The following FHIT variants were observed in gnomAD, a reference collection of about 807,000 sequenced individuals.
The protein encoded by FHIT is fragile histidine triad diadenosine triphosphatase.
Under a neutral mutation model 17.9 loss-of-function variants are expected in FHIT, and 19 were observed. The observed-to-expected ratio is 1.06, with a 90% CI of 0.74 to 1.56. The LOEUF is 1.56. Ranked by LOEUF, FHIT falls within the 40% of genes most tolerant of loss-of-function variation. FHIT has a pLI of 0.00. For synonymous variants in FHIT, 81 were observed against 69.7 expected, an observed-to-expected ratio of 1.16 and a Z score of -0.81; for missense variants, 248 against 189.2, an observed-to-expected ratio of 1.31 and a Z score of -1.82.
chr3:60,534,980 A>G (rs767638224), intron 5 of FHIT, among the ~76,000 whole-genome samples: 9 of 152,244 alleles, frequency 5.9e-5, no homozygotes, highest in Non-Finnish European at 1.3e-4. Flanking sequence ...TCAAGATATG[A>G]GTAAAAAAAC....
intron 2 of FHIT, among the ~76,000 whole-genome samples, chr3:61,090,802 C>A (rs944195587): frequency 1.3e-5 from 2 of 152,052 alleles, no homozygotes; most frequent in Non-Finnish European, 2.9e-5. Context: ...TTTTTTGTCA[C>A]CCTTGTTAAA....
intron 5 of FHIT, among the ~76,000 whole-genome samples, chr3:60,439,146 G>C (rs1459437973): frequency 6.6e-6 from 1 of 152,170 alleles, no homozygotes; most frequent in South Asian, 2.1e-4. Flanking sequence ...AGGCATCCAA[G>C]TTTTTACTCC....
intron 8 of FHIT, among the ~76,000 whole-genome samples, chr3:59,768,768 C>T (rs921031262): frequency 2.6e-5 from 4 of 152,196 alleles, no homozygotes; most frequent in East Asian, 1.9e-4. Context: ...TGTACCCATC[C>T]TCAGTCCTCA....
intron 5 of FHIT, among the ~76,000 whole-genome samples, chr3:60,120,804 C>A (rs528783151): frequency 6.6e-6 from 1 of 152,024 alleles, no homozygotes; most frequent in Non-Finnish European, 1.5e-5. Context: ...TTAAATGTCT[C>A]AGGTTATTAA....
At chr3:60,859,639 C>T (rs1489569569) in intron 3 of FHIT, among the ~76,000 whole-genome samples, 1 of 148,176 alleles carries the variant, frequency 6.7e-6, no homozygotes, top group Non-Finnish European at 1.5e-5. Flanking sequence ...TTTAGAGCTA[C>T]AGGATGGAAA....
At chr3:59,929,591 T>C (rs959351702) in intron 7 of FHIT, among the ~76,000 whole-genome samples, 4 of 151,944 alleles carry the variant, frequency 2.6e-5, no homozygotes, top group Non-Finnish European at 4.4e-5. Context: ...GCCAGGCTGG[T>C]CTCAAACTCC....
chr3:60,205,948 A>C (rs1703151809), intron 5 of FHIT, among the ~76,000 whole-genome samples: 1 of 151,462 alleles, frequency 6.6e-6, no homozygotes, highest in South Asian at 2.1e-4. Flanking sequence ...CTCTACTAAA[A>C]ATACAAAAAT....
At chr3:61,010,817 G>A (rs2031745885) in intron 3 of FHIT, among the ~76,000 whole-genome samples, 1 of 152,180 alleles carries the variant, frequency 6.6e-6, no homozygotes, top group African/African-American at 2.4e-5. Flanking sequence ...ATTGTGGAAG[G>A]AGAAGTAGAT....
At chr3:61,035,271 T>C (rs1014060814) in intron 3 of FHIT, among the ~76,000 whole-genome samples, 2 of 152,208 alleles carry the variant, frequency 1.3e-5, no homozygotes, top group African/African-American at 2.4e-5. Context: ...CACTTTAAAA[T>C]GGATTTTTTG....
At chr3:60,839,327 C>T (rs917033626) in intron 3 of FHIT, among the ~76,000 whole-genome samples, 10 of 152,106 alleles carry the variant, frequency 6.6e-5, no homozygotes, top group Admixed American at 3.3e-4. Flanking sequence ...AAGTAAAAGA[C>T]TCAGCCGATT....
chr3:60,958,819 C>A (rs1272553983), intron 3 of FHIT, among the ~76,000 whole-genome samples: 1 of 152,130 alleles, frequency 6.6e-6, no homozygotes, highest in Non-Finnish European at 1.5e-5. Context: ...CTTCTCCTTC[C>A]AGCTAGGTGG....
chr3:61,126,176 T>C (rs144408162), intron 2 of FHIT, among the ~76,000 whole-genome samples: 62 of 152,220 alleles, frequency 4.1e-4, no homozygotes, highest in African/African-American at 1.3e-3. Context: ...CAGTCAAATA[T>C]TTATCAGGCA....
chr3:59,772,269 G>A (rs1702107996), intron 8 of FHIT, among the ~76,000 whole-genome samples: 2 of 152,216 alleles, frequency 1.3e-5, no homozygotes, highest in African/African-American at 4.8e-5. Context: ...TCTGGGTCAT[G>A]TTGTTTCATC....
At chr3:61,107,952 T>C (rs1362712101) in intron 2 of FHIT, among the ~76,000 whole-genome samples, 3 of 152,202 alleles carry the variant, frequency 2.0e-5, no homozygotes, top group African/African-American at 7.2e-5. Flanking sequence ...CTATGGTTTG[T>C]TTATACCTCC....
intron 8 of FHIT, among the ~76,000 whole-genome samples, chr3:59,812,620 C>T (rs866986158): frequency 3.3e-5 from 5 of 152,198 alleles, no homozygotes; most frequent in Admixed American, 1.3e-4. Flanking sequence ...AATGCACGCA[C>T]ATTAATTATT....
chr3:60,650,533 T>C (rs1553688028), intron 4 of FHIT, among the ~76,000 whole-genome samples: 1 of 152,208 alleles, frequency 6.6e-6, no homozygotes, highest in Non-Finnish European at 1.5e-5. Context: ...TTAGCTAATG[T>C]TGAAATAAAT....
chr3:61,217,495 C>T (rs770123728), intron 1 of FHIT, among the ~76,000 whole-genome samples: 4 of 152,152 alleles, frequency 2.6e-5, no homozygotes, highest in East Asian at 3.8e-4. Context: ...GTTCCAAAGA[C>T]GAGTTCTGAG....
At chr3:61,083,451 G>A (rs907005032) in intron 2 of FHIT, among the ~76,000 whole-genome samples, 16 of 152,100 alleles carry the variant, frequency 1.1e-4, no homozygotes, top group Non-Finnish European at 2.1e-4. Flanking sequence ...TTAGCCGGGC[G>A]AAGTGGCGGG....
chr3:60,655,502 T>C (rs2040094470), intron 4 of FHIT, among the ~76,000 whole-genome samples: 1 of 152,108 alleles, frequency 6.6e-6, no homozygotes, highest in South Asian at 2.1e-4. Flanking sequence ...GCAAATGCAG[T>C]GTACGGAAAT....
Sources: allele counts gnomAD v4.1 joint callset (sites outside exome capture counted in the v4.1 genomes callset), GRCh38; gene constraint gnomAD v4.1.1; transcripts MANE v1.5; gene names NCBI Gene and HGNC (gene_info 2026-07-23, HGNC 2026-07-21).